LAMC1: variants seen among roughly 807,000 people sequenced by gnomAD.
The protein encoded by LAMC1 is laminin subunit gamma-1.
LAMC1 carries 38 observed loss-of-function variants against 173.6 expected under a neutral mutation model. The ratio of observed to expected loss-of-function variants is 0.22; its 90% confidence interval spans 0.17 to 0.29. The LOEUF is 0.29. Among genes scored for constraint, LAMC1 ranks in the 10% least tolerant of loss-of-function variants. The pLI is 1.00. For missense variants in LAMC1, 1,824 were observed against 2,051.8 expected, an observed-to-expected ratio of 0.89 and a Z score of 2.14; for synonymous variants, 746 against 749.1, an observed-to-expected ratio of 1.00 and a Z score of 0.07.
At position 183,079,232 on chromosome 1, in the gene LAMC1, G is replaced by GTTTTTTTTT. The variant is rs796732672; in HGVS notation, c.419-24064_419-24056dup. ...AAGCAACTTTCTGATCTCTAATCTGGTTTTTTTTTTTTTTTTTTTTTTTTT... is the reference window on the plus strand; with the variant it reads ...AAGCAACTTTCTGATCTCTAATCTGGTTTTTTTTTTTTTTTTTTTTTTTTTTTTTTTTTT... On this transcript the variant is annotated intron_variant, in intron 1 of 27. Transcript: ENST00000258341. Among the ~76,000 whole-genome samples, 4 of 62,840 alleles carry GTTTTTTTTT rather than the reference G, an allele frequency of 6.4e-5. 1 individual carries two copies. The highest frequency in any genetic ancestry group is 9.1e-5 in the Non-Finnish European group (3 of 32,824). The allele number at this position is 62,840 out of a possible 152,430, so 41.2% of individuals were successfully genotyped here.
intron 1 of LAMC1, among the ~76,000 whole-genome samples, chr1:183,084,274 C>T (rs1173724283): frequency 2.0e-5 from 3 of 151,250 alleles, no homozygotes; most frequent in Non-Finnish European, 4.4e-5. Flanking sequence ...ACCCGGGAGG[C>T]GGAGCTTGCA....
rs1657193676 is a variant in LAMC1 at position 183,144,161 on chromosome 1, T to C, written c.*1371T>C. On this transcript the variant is annotated 3_prime_UTR_variant, in exon 28 of 28. Coordinates refer to ENST00000258341, the MANE Select transcript of LAMC1 (RefSeq NM_002293.4). ...CCCCCTTCCTCCTACCAACCCACCT[T>C]TGAGATTCATATATAGCCTTTAACA... is the stretch of plus-strand genomic sequence containing the variant. The C allele has an allele frequency of 6.6e-6, 1 of 152,504 alleles. No individual in the cohort carries two copies. Among genetic ancestry groups the C allele is most frequent in the Admixed American group, 6.6e-5 (1 of 15,262 alleles). 9.4% of individuals were successfully genotyped at this position (152,504 alleles called of 1,614,324 possible).
intron 17 of LAMC1, among the ~76,000 whole-genome samples, chr1:183,127,639 G>A (rs1413387): frequency 0.55 from 83,154 of 152,044 alleles, 22,990 homozygotes; most frequent in South Asian, 0.65. Context: ...ACTACTTTAT[G>A]TAAGGCCTCT....
chr1:183,122,150 C>G lies in LAMC1; in HGVS notation c.2300C>G (p.Ser767Cys), dbSNP rs1022550086. 2 of 1,614,170 alleles carry G rather than the reference C, an allele frequency of 1.2e-6. No individual in the cohort carries two copies. Reference sequence around the variant, plus strand: ...TATGGAGATTCAACTGCAGGCACCTCCTCCGATTGCCAACCCTGTCCGTGT... The same window carrying G: ...TATGGAGATTCAACTGCAGGCACCTGCTCCGATTGCCAACCCTGTCCGTGT... ...GYYGDSTAGT[S>C]SDCQPCPCPG... is the part of the protein sequence containing the mutation. Residue 767 changes from serine (S) to cysteine (C), a missense_variant, in exon 13 of 28, where the codon TCC becomes TGC. Coordinates refer to ENST00000258341, the MANE Select transcript of LAMC1 (RefSeq NM_002293.4).
Position 183,117,341 on chromosome 1 carries a change from A to G in LAMC1, c.1586A>G (p.Glu529Gly), listed in dbSNP as rs1472205775. The change falls in exon 9 of 28, where the codon GAA (glutamate) becomes GGA (glycine). Residue 529 changes from glutamate to glycine, a missense_variant. By Grantham distance (98) the Glu-to-Gly change is moderately conservative (BLOSUM62 -2). Transcript: ENST00000258341. ...FQIDEDGWRA[E>G]QRDGSEASLE... The stretch of plus-strand genomic sequence containing the variant: ...GCAGATGAGGATGGGTGGCGTGCGG[A>G]ACAGAGAGATGGCTCTGAAGCATCT... 1.2e-6 allele frequency: 2 copies of G among 1,611,322 alleles called. No individual in the cohort carries two copies. The highest frequency in any genetic ancestry group is 2.2e-5 in the South Asian group (2 of 90,998).
At chr1:183,068,164 A>G (rs1463939245) in intron 1 of LAMC1, among the ~76,000 whole-genome samples, 1 of 152,124 alleles carries the variant, frequency 6.6e-6, no homozygotes, top group Non-Finnish European at 1.5e-5. Context: ...CTTTTTTTTA[A>G]AAAAGGCCTT....
intron 1 of LAMC1, among the ~76,000 whole-genome samples, chr1:183,040,211 C>G (rs899421200): frequency 1.3e-5 from 2 of 152,218 alleles, no homozygotes; most frequent in Non-Finnish European, 2.9e-5. Context: ...TTTGTGCCTC[C>G]CGCTAACACA....
Position 183,039,582 on chromosome 1 carries a change from T to C in LAMC1, c.418+15448T>C, listed in dbSNP as rs528383061. Among the ~76,000 whole-genome samples, 25 of 152,344 alleles carry C rather than the reference T, an allele frequency of 1.6e-4. 1 individual carries two copies. In the South Asian group the frequency reaches 3.1e-3, roughly 19 times the overall value. ...GAGGCTCTTGCTGGGTTGTTTATTA[T>C]TGTTTTCAGCATTTTTGCCATACGC... is the stretch of plus-strand genomic sequence containing the variant. On this transcript the variant is annotated intron_variant, in intron 1 of 27. Coordinates refer to ENST00000258341, the MANE Select transcript of LAMC1 (RefSeq NM_002293.4).
chr1:183,128,276 T>G, intron 17 of LAMC1, among the ~76,000 whole-genome samples: 1 of 152,050 alleles, frequency 6.6e-6, no homozygotes, highest in African/African-American at 2.4e-5. Context: ...GTCTTTAAAG[T>G]CAAAGGAACA....
chr1:183,095,821 G>T (rs912928969), intron 1 of LAMC1, among the ~76,000 whole-genome samples: 1 of 152,126 alleles, frequency 6.6e-6, no homozygotes, highest in African/African-American at 2.4e-5. Context: ...ATCTTTTTTG[G>T]TGAGTATATC....
At chr1:183,131,449 G>GTGTGTGTGTT in intron 20 of LAMC1, 71 bp downstream of exon 20, 1 of 1,040,798 alleles carries the variant, frequency 9.6e-7, no homozygotes. Context: ...GTGTGTGTGT[G>GTGTGTGTGTT]TGTGTGTGTG....
In LAMC1 at chr1:183,130,472, C is replaced by T. The variant is rs538943246; in HGVS notation, c.3409C>T (p.His1137Tyr). ...TGNLAEQARA[H>Y]VENTERLIEI... is the part of the protein sequence containing the mutation. ...AAACTTGGCTGAACAAGCGCGTGCC[C>T]ATGTAGAGAACACAGAGCGGTTGAT... is the stretch of plus-strand genomic sequence containing the variant. The change falls in exon 19 of 28, where the codon CAT (histidine) becomes TAT (tyrosine). Residue 1137 changes from histidine (H) to tyrosine (Y), a missense_variant. Transcript: ENST00000258341. 9 of 1,614,168 alleles carry T rather than the reference C, an allele frequency of 5.6e-6. No homozygotes were observed. The highest frequency in any genetic ancestry group is 6.8e-6 in the Non-Finnish European group (8 of 1,180,034).
At chr1:183,129,107 A>G (rs1320744552) in intron 18 of LAMC1, among the ~76,000 whole-genome samples, 5 of 55,588 alleles carry the variant, frequency 9.0e-5, no homozygotes, top group African/African-American at 1.7e-4. Flanking sequence ...TTTTTTTTTG[A>G]GCCACAATCA....
rs1654082920 is a variant in LAMC1 at position 183,039,978 on chromosome 1, G to A, written c.418+15844G>A. Among the ~76,000 whole-genome samples, 24 of 152,200 alleles carry A rather than the reference G, an allele frequency of 1.6e-4. 1 individual carries two copies. The highest frequency in any genetic ancestry group is 1.6e-3 in the Admixed American group (24 of 15,282). On this transcript the variant is annotated intron_variant, in intron 1 of 27. Coordinates refer to ENST00000258341, the MANE Select transcript of LAMC1 (RefSeq NM_002293.4). ...CCTTTGAGTGGGTATTGACATTTCT[G>A]TGAGAGGAGAGGCTGCTTTGTTCCC...
At chr1:183,057,793 C>T (rs1020994435) in intron 1 of LAMC1, among the ~76,000 whole-genome samples, 1 of 151,922 alleles carries the variant, frequency 6.6e-6, no homozygotes, top group Admixed American at 6.6e-5. Flanking sequence ...GTAGCCTAAG[C>T]CTGAAGGGTT....
rs1215708885 is a variant in LAMC1, at chr1:183,024,154, T to A, written c.418+20T>A. The A allele has an allele frequency of 5.2e-6, 8 of 1,530,294 alleles. No homozygotes were observed. Among genetic ancestry groups the A allele is most frequent in the African/African-American group, 2.7e-5 (2 of 72,902 alleles). 94.8% of individuals were successfully genotyped at this position (1,530,294 alleles called of 1,614,324 possible). ...ACCTGGGTAAGCGGTGACAGCCCCG[T>A]CCCCTGCTACTGCTCGCCAGCAGCC... On this transcript the variant is annotated intron_variant, in intron 1 of 27. Coordinates refer to ENST00000258341, the MANE Select transcript of LAMC1 (RefSeq NM_002293.4).
At chr1:183,025,208 A>G (rs1309752498) in intron 1 of LAMC1, among the ~76,000 whole-genome samples, 2 of 152,218 alleles carry the variant, frequency 1.3e-5, no homozygotes, top group African/African-American at 2.4e-5. Flanking sequence ...TGTAAGGCTA[A>G]TATCACTTAG....
intron 2 of LAMC1, among the ~76,000 whole-genome samples, chr1:183,107,954 A>G (rs1016918720): frequency 6.6e-6 from 1 of 152,114 alleles, no homozygotes; most frequent in Non-Finnish European, 1.5e-5. Context: ...GGATGGAGGG[A>G]AGGGGCATGT....
In LAMC1 at chr1:183,105,420, G is replaced by GT. The variant is rs539516404; in HGVS notation, c.723+1788_723+1789insT. Among the ~76,000 whole-genome samples, 734 of 110,594 alleles carry GT rather than the reference G, an allele frequency of 6.6e-3. 23 individuals carry two copies. The highest frequency in any genetic ancestry group is 0.057 in the Admixed American group (569 of 9,966). 72.6% of individuals were successfully genotyped at this position (110,594 alleles called of 152,430 possible). A position where few individuals can be genotyped will look rare whatever the true frequency, so the allele number is the denominator to read the frequency against. On this transcript the variant is annotated intron_variant, in intron 2 of 27. Transcript: ENST00000258341. ...GGCAACAATAGAAAGAACAGAGAAAGAACAGTGTAGTCAGTAGAAAATGCA... is the reference window on the plus strand; with the variant it reads ...GGCAACAATAGAAAGAACAGAGAAAGTAACAGTGTAGTCAGTAGAAAATGCA...
Sources: gnomAD v4.1 joint callset for allele counts (sites outside exome capture counted in the v4.1 genomes callset) on GRCh38, gnomAD v4.1.1 for gene constraint, MANE v1.5 for transcripts, NCBI Gene and HGNC (gene_info 2026-07-23, HGNC 2026-07-21) for gene names.